The following POLN variants were observed in gnomAD, a reference collection of about 807,000 sequenced individuals.
POLN encodes DNA polymerase N.
A neutral mutation model predicts 113.5 loss-of-function variants in POLN; 108 were observed. The ratio of observed to expected loss-of-function variants is 0.95; its 90% CI spans 0.81 to 1.12. The LOEUF is 1.12. Among genes scored for constraint, POLN ranks in the 50% most tolerant of loss-of-function variants. POLN has a pLI of 0.00. For synonymous variants in POLN, 386 were observed against 391.5 expected (o/e 0.99, Z 0.17); for missense variants, 1,097 against 1,077.1 (o/e 1.02, Z -0.26).
chr4:2,181,904 G>A (rs1733152187), intron 7 of POLN, among the ~76,000 whole-genome samples: 1 of 151,956 alleles, frequency 6.6e-6, no homozygotes, highest in Non-Finnish European at 1.5e-5. Context: ...GGAGGCTGAG[G>A]CAGGAGAATG....
intron 3 of POLN, among the ~76,000 whole-genome samples, chr4:2,225,989 GAA>G (rs564058927): frequency 6.9e-6 from 1 of 144,454 alleles, no homozygotes; most frequent in African/African-American, 2.5e-5. Context: ...ACCCTGTCTC[GAA>G]AAAAAAAAAA....
At chr4:2,184,129 C>T (rs949434312) in intron 7 of POLN, among the ~76,000 whole-genome samples, 3 of 150,224 alleles carry the variant, frequency 2.0e-5, no homozygotes, top group African/African-American at 7.4e-5. Context: ...GCTGGGATTA[C>T]AGACGTGAGC....
At chr4:2,110,132 A>G (rs372093441) in intron 19 of POLN, among the ~76,000 whole-genome samples, 1 of 152,354 alleles carries the variant, frequency 6.6e-6, no homozygotes, top group South Asian at 2.1e-4. Flanking sequence ...CCTGCTCCTG[A>G]ATGACTCCTG....
At chr4:2,116,475 T>C (rs1731320199) in intron 19 of POLN, among the ~76,000 whole-genome samples, 1 of 152,204 alleles carries the variant, frequency 6.6e-6, no homozygotes, top group South Asian at 2.1e-4. Context: ...GGTTTGATTG[T>C]TAGAGTTACA....
intron 19 of POLN, among the ~76,000 whole-genome samples, chr4:2,102,814 T>G (rs1044752183): frequency 3.9e-5 from 6 of 152,298 alleles, no homozygotes; most frequent in Non-Finnish European, 8.8e-5. Context: ...ACTAATGCTA[T>G]TCACAGCCAA....
intron 19 of POLN, among the ~76,000 whole-genome samples, chr4:2,108,815 C>A (rs926115743): frequency 6.6e-6 from 1 of 152,050 alleles, no homozygotes; most frequent in Non-Finnish European, 1.5e-5. Context: ...CCATGGGTGC[C>A]CCCTCAGTAT....
chr4:2,145,360 G>C (rs1363179415), intron 16 of POLN, among the ~76,000 whole-genome samples: 1 of 152,072 alleles, frequency 6.6e-6, no homozygotes, highest in East Asian at 1.9e-4. Context: ...AATCCAATCT[G>C]AGAAAAACAA....
At chr4:2,187,242 GT>G (rs1733299410) in intron 7 of POLN, among the ~76,000 whole-genome samples, 1 of 129,956 alleles carries the variant, frequency 7.7e-6, no homozygotes, top group Non-Finnish European at 1.5e-5. Flanking sequence ...TTGTTTGTTT[GT>G]TTTGTTTGTT....
At chr4:2,164,501 C>CAA (rs35463696) in intron 13 of POLN, among the ~76,000 whole-genome samples, 3 of 81,812 alleles carry the variant, frequency 3.7e-5, no homozygotes, top group African/African-American at 1.4e-4. Context: ...AACTCTGTCT[C>CAA]AAAAAAAAAA....
At position 2,225,275 on chromosome 4, in the gene POLN, T is replaced by A. The variant is rs73201287; in HGVS notation, c.133+3824A>T. Among the ~76,000 whole-genome samples the A allele has an allele frequency of 5.2e-3, 796 of 152,188 alleles. 4 individuals are homozygous for A. The highest frequency in any genetic ancestry group is 0.021 in the Middle Eastern group (6 of 292). On this transcript the variant is annotated intron_variant, in intron 3 of 25. Transcript: ENST00000511885. Reference sequence around the variant, plus strand: ...TTAAAACTATGTATGTATGCATGTATATAAATATGTAAAAAAAAATTTAAG... The same window carrying A: ...TTAAAACTATGTATGTATGCATGTAAATAAATATGTAAAAAAAAATTTAAG...
At chr4:2,112,964 T>C (rs1452462876) in intron 19 of POLN, among the ~76,000 whole-genome samples, 6 of 152,022 alleles carry the variant, frequency 3.9e-5, no homozygotes, top group Non-Finnish European at 8.8e-5. Context: ...CTATTCCCAA[T>C]AGCAAAGACT....
rs60528241 is a variant in POLN at position 2,096,730 on chromosome 4, GAC to G, written c.1983-799_1983-798del. On this transcript the variant is annotated intron_variant, in intron 19 of 25. Coordinates refer to ENST00000511885, the MANE Select transcript of POLN (RefSeq NM_181808.4). The stretch of plus-strand genomic sequence containing the variant: ...AGAGAGAGAGAGAGAGAGAGAGAGA[GAC>G]ACACAGAGAGAAACAGAAAAAGTAA... 3.7e-3 allele frequency among the ~76,000 whole-genome samples: 544 copies of G among 145,626 alleles called. 10 individuals carry two copies. In the East Asian group the frequency reaches 0.057, roughly 15 times the overall value.
chr4:2,236,306 CAGAA>C (rs775683575), intron 2 of POLN: 6 of 1,613,780 alleles, frequency 3.7e-6, no homozygotes, highest in Non-Finnish European at 5.1e-6. Flanking sequence ...TCCGTTTGGA[CAGAA>C]AGAAAGAATG....
At chr4:2,241,098 G>T (rs1047553918) in intron 2 of POLN, 6 of 602,310 alleles carry the variant, frequency 1.0e-5, no homozygotes, top group Admixed American at 3.5e-5. Flanking sequence ...TTCCTCCTAG[G>T]GGGGAAGAAA....
intron 13 of POLN, among the ~76,000 whole-genome samples, chr4:2,167,547 G>A (rs930704396): frequency 6.6e-6 from 1 of 152,144 alleles, no homozygotes; most frequent in African/African-American, 2.4e-5. Flanking sequence ...GAACCCTGAG[G>A]TGAGTGTCAA....
At chr4:2,165,580 T>C (rs992404857) in intron 13 of POLN, among the ~76,000 whole-genome samples, 3 of 152,040 alleles carry the variant, frequency 2.0e-5, no homozygotes, top group African/African-American at 7.3e-5. Context: ...TCCAAGAGTA[T>C]ATTGTGTAAC....
chr4:2,174,165 A>T, intron 10 of POLN, 146 bp from the exon 11 acceptor site: 2 of 753,076 alleles, frequency 2.7e-6, no homozygotes, highest in Non-Finnish European at 4.6e-6. Context: ...TCTGCACAGG[A>T]TCTGTCAGGA....
chr4:2,173,898 AACTAT>A (rs1213479473), intron 11 of POLN, 52 bp downstream of exon 11: 1 of 1,509,554 alleles, frequency 6.6e-7, no homozygotes, highest in Admixed American at 1.7e-5. Flanking sequence ...CACTGGGAAC[AACTAT>A]CTCATGCAGG....
At chr4:2,234,834 A>T (rs1253583007) in intron 2 of POLN, among the ~76,000 whole-genome samples, 1 of 152,220 alleles carries the variant, frequency 6.6e-6, no homozygotes, top group East Asian at 1.9e-4. Context: ...GATATAACTT[A>T]TAAAATAGAC....
Sources: allele counts gnomAD v4.1 joint callset (sites outside exome capture counted in the v4.1 genomes callset), GRCh38; gene constraint gnomAD v4.1.1; transcripts MANE v1.5; gene names NCBI Gene and HGNC (gene_info 2026-07-23, HGNC 2026-07-21).